Variants in LSAMP observed in about 807,000 individuals in gnomAD.
The protein encoded by LSAMP is limbic system associated membrane protein, also known as limbic system-associated membrane protein.
Under a neutral mutation model 38.6 loss-of-function variants are expected in LSAMP, and 7 were observed. The observed-to-expected ratio is 0.18, with a 90% confidence interval of 0.10 to 0.34. The LOEUF is 0.34. Ranked by LOEUF, LSAMP falls within the 10% of genes least tolerant of loss-of-function variation. The pLI is 1.00. For missense variants in LSAMP, 313 were observed against 420.0 expected (o/e 0.75, Z 2.23); for synonymous variants, 154 against 166.8 (o/e 0.92, Z 0.59).
At chr3:116,183,207 C>T (rs1710529333) in intron 1 of LSAMP, among the ~76,000 whole-genome samples, 1 of 151,766 alleles carries the variant, frequency 6.6e-6, no homozygotes, top group Non-Finnish European at 1.5e-5. Context: ...AGGAAACACC[C>T]TAGATTTAAA....
chr3:116,119,914 C>T (rs897172306), intron 1 of LSAMP, among the ~76,000 whole-genome samples: 4 of 152,076 alleles, frequency 2.6e-5, no homozygotes, highest in Non-Finnish European at 4.4e-5. Context: ...TTGTCTTGGC[C>T]TCCCAAAGTG....
At chr3:116,003,915 T>G (rs1033074950) in intron 3 of LSAMP, among the ~76,000 whole-genome samples, 2 of 152,190 alleles carry the variant, frequency 1.3e-5, no homozygotes, top group African/African-American at 4.8e-5. Flanking sequence ...AACACCTTTC[T>G]GTTGTTTTAA....
intron 3 of LSAMP, among the ~76,000 whole-genome samples, chr3:115,958,018 T>A (rs1365165126): frequency 6.6e-6 from 1 of 152,168 alleles, no homozygotes; most frequent in African/African-American, 2.4e-5. Context: ...TTGTCAGGAA[T>A]GTAGTCATAA....
intron 3 of LSAMP, among the ~76,000 whole-genome samples, chr3:116,012,316 T>C (rs1431456254): frequency 6.6e-6 from 1 of 152,230 alleles, no homozygotes; most frequent in East Asian, 1.9e-4. Context: ...TCTGTTGCTG[T>C]TCAATGGCTC....
chr3:116,199,384 C>G (rs2045958731), intron 1 of LSAMP, among the ~76,000 whole-genome samples: 1 of 152,174 alleles, frequency 6.6e-6, no homozygotes, highest in Non-Finnish European at 1.5e-5. Context: ...AATCTTACCT[C>G]TTTTACACTA....
At chr3:116,170,626 G>T (rs1317271795) in intron 1 of LSAMP, among the ~76,000 whole-genome samples, 1 of 152,086 alleles carries the variant, frequency 6.6e-6, no homozygotes, top group Non-Finnish European at 1.5e-5. Context: ...CCTCAGTCTG[G>T]AAAGGGGTAT....
chr3:116,274,955 A>C (rs925814763), intron 1 of LSAMP, among the ~76,000 whole-genome samples: 7 of 7,370 alleles, frequency 9.5e-4, no homozygotes, highest in African/African-American at 1.3e-3. Context: ...AAAAATAGCC[A>C]AAAAAAAAAA....
chr3:115,928,973 G>T lies in LSAMP; in HGVS notation c.515-76356C>A, dbSNP rs200677846. Among the ~76,000 whole-genome samples, 684 of 109,882 alleles carry T rather than the reference G, an allele frequency of 6.2e-3. 7 individuals carry two copies. Among genetic ancestry groups the T allele is most frequent in the African/African-American group, 0.017 (473 of 28,046 alleles). The allele number at this position is 109,882 out of a possible 152,430, so 72.1% of individuals were successfully genotyped here. A position where few individuals can be genotyped will look rare whatever the true frequency, so the allele number is the denominator to read the frequency against. ...GGCTTATCATGCAGGTTTTTTGTTT[G>T]TTTTTTTTTTTTTTTTTGCTTGTTT... On this transcript the variant is annotated intron_variant, in intron 3 of 6. Coordinates refer to ENST00000490035, the MANE Select transcript of LSAMP (RefSeq NM_002338.5).
chr3:116,369,131 CAAGAAAAAAAAA>C (rs1238818286), intron 1 of LSAMP, among the ~76,000 whole-genome samples: 1 of 146,702 alleles, frequency 6.8e-6, no homozygotes, highest in Non-Finnish European at 1.5e-5. Flanking sequence ...AAGAAGAAAG[CAAGAAAAAAAAA>C]AAGAGAAGAT....
chr3:116,266,347 A>C (rs1026563366), intron 1 of LSAMP, among the ~76,000 whole-genome samples: 17 of 152,184 alleles, frequency 1.1e-4, no homozygotes, highest in Admixed American at 1.0e-3. Flanking sequence ...TTGACAGTTA[A>C]TGATGATGAG....
chr3:115,850,715 T>C (rs976793161), intron 4 of LSAMP, among the ~76,000 whole-genome samples: 9 of 152,300 alleles, frequency 5.9e-5, no homozygotes, highest in Middle Eastern at 3.4e-3. Flanking sequence ...TGCCATAAAC[T>C]ATAGCAGAGT....
At chr3:116,121,498 G>A (rs574034436) in intron 1 of LSAMP, among the ~76,000 whole-genome samples, 1 of 152,176 alleles carries the variant, frequency 6.6e-6, no homozygotes, top group South Asian at 2.1e-4. Context: ...TGTTGGTTTG[G>A]GAACATGTAT....
At chr3:116,380,800 A>G (rs2048549287) in intron 1 of LSAMP, among the ~76,000 whole-genome samples, 1 of 151,978 alleles carries the variant, frequency 6.6e-6, no homozygotes, top group South Asian at 2.1e-4. Flanking sequence ...ATTGATGGGT[A>G]TTTCTATTGG....
At chr3:116,194,320 C>A (rs1269708701) in intron 1 of LSAMP, among the ~76,000 whole-genome samples, 4 of 152,152 alleles carry the variant, frequency 2.6e-5, no homozygotes, top group Non-Finnish European at 4.4e-5. Flanking sequence ...TAATCCTTTT[C>A]AATTTCTCCC....
chr3:116,134,531 C>T (rs1709204050), intron 1 of LSAMP, among the ~76,000 whole-genome samples: 1 of 152,222 alleles, frequency 6.6e-6, no homozygotes, highest in African/African-American at 2.4e-5. Context: ...CCCCTTTTCA[C>T]CGTGCTTAAG....
intron 1 of LSAMP, among the ~76,000 whole-genome samples, chr3:116,310,937 T>C (rs1232498056): frequency 2.0e-5 from 3 of 150,648 alleles, no homozygotes; most frequent in Admixed American, 1.3e-4. Context: ...TTTTAAATCA[T>C]GGATATGAAT....
At chr3:115,884,451 A>T (rs1352785081) in intron 3 of LSAMP, among the ~76,000 whole-genome samples, 1 of 152,098 alleles carries the variant, frequency 6.6e-6, no homozygotes, top group African/African-American at 2.4e-5. Flanking sequence ...TAAAATAGAC[A>T]TTAAATATTC....
At position 116,174,951 on chromosome 3, in the gene LSAMP, T is replaced by C. The variant is rs1025729905; in HGVS notation, c.156-88395A>G. On this transcript the variant is annotated intron_variant, in intron 1 of 6. Transcript: ENST00000490035. ...TCCTTATTCTTTTGTGTCTCACTTT[T>C]GTGCACTGGCTTATGCCGACTTCTC... Among the ~76,000 whole-genome samples, 3 of 152,126 alleles carry C rather than the reference T, an allele frequency of 2.0e-5. No homozygotes were observed. The South Asian group carries it at 6.2e-4, about 31-fold the overall frequency.
intron 3 of LSAMP, among the ~76,000 whole-genome samples, chr3:115,892,543 G>T (rs1236664445): frequency 1.3e-5 from 2 of 151,900 alleles, no homozygotes; most frequent in Admixed American, 1.3e-4. Context: ...GTAAACAGGG[G>T]TTACCCTTCT....
Sources: gnomAD v4.1 joint callset for allele counts (sites outside exome capture counted in the v4.1 genomes callset) on GRCh38, gnomAD v4.1.1 for gene constraint, MANE v1.5 for transcripts, NCBI Gene and HGNC (gene_info 2026-07-23, HGNC 2026-07-21) for gene names.